CLDN10: variants seen among roughly 807,000 people sequenced by gnomAD.
CLDN10 encodes the protein claudin-10.
CLDN10 carries 15 observed loss-of-function variants against 22.9 expected under a neutral mutation model. That is an observed-to-expected ratio of 0.65 (90% CI 0.44 to 1.01). The LOEUF (loss-of-function observed/expected upper bound fraction) is 1.01. Ranked by LOEUF, CLDN10 falls within the 50% of genes least tolerant of loss-of-function variation. CLDN10 has a pLI of 0.00. For synonymous variants in CLDN10, 114 were observed against 111.4 expected (o/e 1.02, Z -0.15); for missense variants, 247 against 287.8 (o/e 0.86, Z 1.03).
chr13:95,543,805 T>TA, intron 1 of CLDN10, among the ~76,000 whole-genome samples: 1 of 152,204 alleles, frequency 6.6e-6, no homozygotes, highest in East Asian at 1.9e-4. Context: ...TGTATAGTGA[T>TA]AAACATTTAT....
intron 1 of CLDN10, among the ~76,000 whole-genome samples, chr13:95,537,251 G>C (rs1428911869): frequency 6.6e-6 from 1 of 152,170 alleles, no homozygotes; most frequent in Non-Finnish European, 1.5e-5. Context: ...TTCAGACTTT[G>C]TGTGGGGTTG....
chr13:95,534,799 T>G (rs1210161182), intron 1 of CLDN10, among the ~76,000 whole-genome samples: 1 of 152,192 alleles, frequency 6.6e-6, no homozygotes, highest in African/African-American at 2.4e-5. Flanking sequence ...TCAGGGTTTT[T>G]TTTCTCCTGG....
intron 1 of CLDN10, among the ~76,000 whole-genome samples, chr13:95,508,688 G>T (rs1236293596): frequency 1.3e-5 from 2 of 152,226 alleles, no homozygotes; most frequent in African/African-American, 4.8e-5. Flanking sequence ...GCGATATCTG[G>T]ATCATTCTGG....
intron 1 of CLDN10, among the ~76,000 whole-genome samples, chr13:95,503,254 G>A (rs1042866072): frequency 6.6e-6 from 1 of 152,186 alleles, no homozygotes; most frequent in Non-Finnish European, 1.5e-5. Flanking sequence ...AAGAGTGAAT[G>A]TGTTTACCAA....
At chr13:95,474,395 G>T (rs987391274) in intron 1 of CLDN10, among the ~76,000 whole-genome samples, 1 of 152,180 alleles carries the variant, frequency 6.6e-6, no homozygotes, top group African/African-American at 2.4e-5. Context: ...TCACTCACCT[G>T]CCTGCCACTC....
At chr13:95,576,248 G>C (rs1490488189) in intron 3 of CLDN10, among the ~76,000 whole-genome samples, 1 of 152,062 alleles carries the variant, frequency 6.6e-6, no homozygotes, top group Middle Eastern at 3.2e-3. Context: ...CCTTCTCCTG[G>C]ACCTCTTACT....
intron 1 of CLDN10, among the ~76,000 whole-genome samples, chr13:95,498,747 C>T (rs1291644406): frequency 2.0e-5 from 3 of 152,208 alleles, no homozygotes; most frequent in African/African-American, 7.2e-5. Flanking sequence ...ATATGCACAA[C>T]ATAAACTTTA....
chr13:95,555,302 C>A (rs867266613), intron 1 of CLDN10, among the ~76,000 whole-genome samples: 1 of 152,216 alleles, frequency 6.6e-6, no homozygotes, highest in South Asian at 2.1e-4. Context: ...CCCTCCTCGG[C>A]CTCCCAAAGT....
At chr13:95,554,873 C>T (rs563119068) in intron 1 of CLDN10, among the ~76,000 whole-genome samples, 5 of 152,190 alleles carry the variant, frequency 3.3e-5, no homozygotes, top group Admixed American at 6.5e-5. Flanking sequence ...CTTATATTCA[C>T]CTCTTTGTAT....
At chr13:95,536,776 A>ATTT (rs1335237764) in intron 1 of CLDN10, among the ~76,000 whole-genome samples, 6 of 123,076 alleles carry the variant, frequency 4.9e-5, no homozygotes, top group African/African-American at 1.5e-4. Context: ...AAAACTGTTT[A>ATTT]TTTTTTAAAA....
intron 1 of CLDN10, among the ~76,000 whole-genome samples, chr13:95,539,720 T>C (rs1254112278): frequency 6.6e-6 from 1 of 152,218 alleles, no homozygotes; most frequent in Non-Finnish European, 1.5e-5. Flanking sequence ...TTCCTTTTTT[T>C]TAGAAAAACT....
chr13:95,513,018 G>A (rs1166068828), intron 1 of CLDN10, among the ~76,000 whole-genome samples: 1 of 152,162 alleles, frequency 6.6e-6, no homozygotes, highest in Non-Finnish European at 1.5e-5. Flanking sequence ...TGGGACCACA[G>A]GAGCATGCCA....
At chr13:95,459,217 G>A (rs1332282511) in intron 1 of CLDN10, among the ~76,000 whole-genome samples, 2 of 152,150 alleles carry the variant, frequency 1.3e-5, no homozygotes, top group African/African-American at 2.4e-5. Flanking sequence ...ACTTTTCCAG[G>A]TGCATGGTGT....
At chr13:95,448,762 GAT>G (rs2042405313) in intron 1 of CLDN10, among the ~76,000 whole-genome samples, 1 of 77,502 alleles carries the variant, frequency 1.3e-5, no homozygotes, top group African/African-American at 3.9e-5. Context: ...TTTTGAGGCA[GAT>G]TCTCTCTCTC....
chr13:95,577,040 G>C (rs921307081), intron 3 of CLDN10, among the ~76,000 whole-genome samples, 191 bp from the exon 4 acceptor site: 72 of 152,142 alleles, frequency 4.7e-4, no homozygotes, highest in Non-Finnish European at 1.5e-4. Context: ...TGTTGGGATG[G>C]TCTAATGGCT....
chr13:95,479,741 C>T (rs2042723701), intron 1 of CLDN10: 1 of 152,168 alleles, frequency 6.6e-6, no homozygotes, highest in Non-Finnish European at 1.5e-5. Context: ...CCTTAAGGAA[C>T]TTGATCAAGG....
chr13:95,464,663 G>C (rs75127094), intron 1 of CLDN10, among the ~76,000 whole-genome samples: 13,637 of 152,088 alleles, frequency 0.09, 882 homozygotes, highest in South Asian at 0.22. Flanking sequence ...CTTGGATGTT[G>C]TTCATGATGA....
intron 1 of CLDN10, among the ~76,000 whole-genome samples, chr13:95,487,506 C>A (rs1594555569): frequency 6.6e-6 from 1 of 152,248 alleles, no homozygotes; most frequent in Non-Finnish European, 1.5e-5. Flanking sequence ...CACATTTTAT[C>A]TTCCCTCCTA....
At chr13:95,530,183 G>C (rs1480478180) in intron 1 of CLDN10, among the ~76,000 whole-genome samples, 1 of 151,790 alleles carries the variant, frequency 6.6e-6, no homozygotes, top group Non-Finnish European at 1.5e-5. Context: ...TGGGGAGGGG[G>C]AGCAGCTTCA....
Sources: gnomAD v4.1 joint callset for allele counts (sites outside exome capture counted in the v4.1 genomes callset) on GRCh38, gnomAD v4.1.1 for gene constraint, MANE v1.5 for transcripts, NCBI Gene and HGNC (gene_info 2026-07-23, HGNC 2026-07-21) for gene names.